Variants in DNPEP observed in about 807,000 individuals in gnomAD.
The protein encoded by DNPEP is aspartyl aminopeptidase.
A neutral mutation model predicts 59.1 loss-of-function variants in DNPEP; 46 were observed. The ratio of observed to expected loss-of-function variants is 0.78; its 90% CI spans 0.61 to 0.99. DNPEP has a LOEUF of 0.99. Among genes scored for constraint, DNPEP ranks in the 50% least tolerant of loss-of-function variants. The pLI, the probability that DNPEP is intolerant of heterozygous loss-of-function variation, is 0.00. For synonymous variants in DNPEP, 229 were observed against 242.2 expected, an observed-to-expected ratio of 0.95 and a Z score of 0.50; for missense variants, 617 against 649.9, an observed-to-expected ratio of 0.95 and a Z score of 0.55.
At chr2:219,388,972 C>T (rs1357774332), upstream of DNPEP, 3 of 656,790 alleles carry the variant, frequency 4.6e-6, no homozygotes, top group African/African-American at 4.0e-5. Flanking sequence ...TGAACTCCAT[C>T]AGTTTGATTG....
chr2:219,384,358 C>T lies in DNPEP; in HGVS notation c.852+8G>A, dbSNP rs777973824. ...TTATGTGCTGCCTGGGGCGCCCCGGCTCCTCACCTGCAGGGCACAGAAGCA... is the reference window on the plus strand; with the variant it reads ...TTATGTGCTGCCTGGGGCGCCCCGGTTCCTCACCTGCAGGGCACAGAAGCA... On this transcript the variant is annotated splice_region_variant and intron_variant, in intron 9 of 14. Coordinates refer to ENST00000273075, the MANE Select transcript of DNPEP (RefSeq NM_012100.4). 6.8e-6 allele frequency: 11 copies of T among 1,606,246 alleles called. No homozygotes were observed. Among genetic ancestry groups the T allele is most frequent in the South Asian group, 1.1e-5 (1 of 89,562 alleles).
chr2:219,393,774 A>C (rs1954055038), upstream of DNPEP: 1 of 152,244 alleles, frequency 6.6e-6, no homozygotes, highest in African/African-American at 2.4e-5. Flanking sequence ...CCTTCAAAAG[A>C]GAATTTCCGC....
At chr2:219,391,894 C>G (rs1954022138), upstream of DNPEP, among the ~76,000 whole-genome samples, 1 of 147,758 alleles carries the variant, frequency 6.8e-6, no homozygotes. Context: ...AAAGGTCAGT[C>G]TTTAGGAATT....
upstream of DNPEP, chr2:219,388,989 C>A (rs1953965661): frequency 4.9e-6 from 2 of 410,638 alleles, no homozygotes; most frequent in Admixed American, 1.3e-4. Context: ...ATTGCAGAGG[C>A]CTGGAACAAC....
chr2:219,394,944 C>T (rs1456202644), intron 1 of DNPEP, among the ~76,000 whole-genome samples: 4 of 151,894 alleles, frequency 2.6e-5, no homozygotes, highest in African/African-American at 9.7e-5. Context: ...GACCCAGAGC[C>T]AGCAAACAAG....
At position 219,385,540 on chromosome 2, in the gene DNPEP, C is replaced by G; in HGVS notation, c.667-9G>C. The G allele has an allele frequency of 6.2e-7, 1 of 1,604,960 alleles. No homozygotes were observed. The highest frequency in any genetic ancestry group is 8.5e-7 in the Non-Finnish European group (1 of 1,172,782). On this transcript the variant is annotated splice_polypyrimidine_tract_variant and intron_variant, in intron 7 of 14. Coordinates refer to ENST00000273075, the MANE Select transcript of DNPEP (RefSeq NM_012100.4). ...GAATGGTGCCGCTCATCCTGAAGAG[C>G]AGAAAGATGCTGGGAAGAGTCCATT...
At chr2:219,374,426 T>G (rs1008847350) in intron 14 of DNPEP, 84 bp from the exon 15 acceptor site, 2 of 1,273,200 alleles carry the variant, frequency 1.6e-6, no homozygotes, top group Non-Finnish European at 2.3e-6. Flanking sequence ...CCAACATATG[T>G]TCCAGCAAGA....
Position 219,381,339 on chromosome 2 carries a change from A to AG in DNPEP, c.1234dup (p.Leu412ProfsTer9). 5 of 1,613,688 alleles carry AG rather than the reference A, an allele frequency of 3.1e-6. No individual in the cohort carries two copies. Among genetic ancestry groups the AG allele is most frequent in the Non-Finnish European group, 3.4e-6 (4 of 1,179,902 alleles). On this transcript the variant is annotated frameshift_variant, in exon 13 of 15. Coordinates refer to ENST00000273075, the MANE Select transcript of DNPEP (RefSeq NM_012100.4). LOFTEE classifies it high-confidence loss of function. ...CCAGGCAGGGCCCACCCTCACCTGC[A>AG]GGGGGACCTTGACTTTGTTGGCCAC...
chr2:219,399,867 T>C, intron 1 of DNPEP: 1 of 1,550,306 alleles, frequency 6.5e-7, no homozygotes, highest in Non-Finnish European at 8.7e-7. Context: ...CCCGGTTACC[T>C]TGTGGTAGCC....
upstream of DNPEP, among the ~76,000 whole-genome samples, chr2:219,392,694 G>C (rs934923781): frequency 6.6e-6 from 1 of 152,112 alleles, no homozygotes; most frequent in Non-Finnish European, 1.5e-5. Flanking sequence ...ATTTTTAGTA[G>C]AGACAGGGTT....
chr2:219,386,053 G>A lies in DNPEP; in HGVS notation c.505C>T (p.Arg169Trp), dbSNP rs777038155. 3.7e-6 allele frequency: 6 copies of A among 1,613,978 alleles called. No individual in the cohort carries two copies. Among genetic ancestry groups the A allele is most frequent in the Admixed American group, 1.7e-5 (1 of 59,988 alleles). ...AGGTGTGGGATGCGAAGAATGGGCC[G>A]CTCCACGTGCACCAGCTGCTGCTCC... The part of the protein sequence containing the change: ...RLEQQLVHVE[R>W]PILRIPHLAI... Residue 169 changes from arginine to tryptophan, a missense_variant, in exon 6 of 15, where the codon CGG becomes TGG. By Grantham distance (101) the Arg-to-Trp change is moderately radical (BLOSUM62 -3). Coordinates refer to ENST00000273075, the MANE Select transcript of DNPEP (RefSeq NM_012100.4).
chr2:219,378,429 C>T (rs746933874), intron 13 of DNPEP, among the ~76,000 whole-genome samples: 7 of 152,190 alleles, frequency 4.6e-5, no homozygotes, highest in Non-Finnish European at 8.8e-5. Flanking sequence ...TAGGTCTCAG[C>T]TCAAATATCA....
At chr2:219,388,643 GCCCGCC>G (rs1490392874), upstream of DNPEP, 3 of 971,086 alleles carry the variant, frequency 3.1e-6, no homozygotes, top group Non-Finnish European at 3.7e-6. Flanking sequence ...GCCGCGGACG[GCCCGCC>G]TCCCCGTGCC....
At chr2:219,375,999 T>TG (rs774136330) in intron 13 of DNPEP, among the ~76,000 whole-genome samples, 18 of 152,084 alleles carry the variant, frequency 1.2e-4, no homozygotes, top group East Asian at 7.7e-4. Flanking sequence ...CTACCAAGTC[T>TG]GGGGGGCGAA....
In DNPEP at chr2:219,384,450, A is replaced by C; in HGVS notation, c.775-7T>G. 6.2e-7 allele frequency: 1 copy of C among 1,607,978 alleles called. No individual in the cohort carries two copies. Among genetic ancestry groups the C allele is most frequent in the Non-Finnish European group, 8.5e-7 (1 of 1,177,278 alleles). ...CATAGGCACCACCCAAGACCTAGAGAGGTAAGACAGTCAGCCCGACCTTCA... is the reference window on the plus strand; with the variant it reads ...CATAGGCACCACCCAAGACCTAGAGCGGTAAGACAGTCAGCCCGACCTTCA... On this transcript the variant is annotated splice_region_variant and splice_polypyrimidine_tract_variant and intron_variant, in intron 8 of 14. Transcript: ENST00000273075.
At chr2:219,383,081 G>T in intron 10 of DNPEP, 50 bp downstream of exon 10, 2 of 1,542,374 alleles carry the variant, frequency 1.3e-6, no homozygotes, top group Non-Finnish European at 1.8e-6. Context: ...ACAACAAGTT[G>T]GCTGTGGAAG....
intron 1 of DNPEP, chr2:219,399,867 T>A (rs1232981934): frequency 6.5e-7 from 1 of 1,550,306 alleles, no homozygotes; most frequent in South Asian, 1.2e-5. Flanking sequence ...CCCGGTTACC[T>A]TGTGGTAGCC....
chr2:219,389,971 A>G (rs1360637837), upstream of DNPEP, among the ~76,000 whole-genome samples: 4 of 152,220 alleles, frequency 2.6e-5, no homozygotes, highest in Non-Finnish European at 5.9e-5. Context: ...TACAATGTAT[A>G]AGGGAAGGAG....
intron 13 of DNPEP, among the ~76,000 whole-genome samples, chr2:219,379,706 A>G (rs1574974931): frequency 6.6e-6 from 1 of 152,074 alleles, no homozygotes; most frequent in African/African-American, 2.4e-5. Context: ...GCGGATCACA[A>G]GGTCAGGAGT....
Sources: gnomAD v4.1 joint callset for allele counts (sites outside exome capture counted in the v4.1 genomes callset) on GRCh38, gnomAD v4.1.1 for gene constraint, MANE v1.5 for transcripts, NCBI Gene and HGNC (gene_info 2026-07-23, HGNC 2026-07-21) for gene names.